The following C9 variants were observed in gnomAD, a reference collection of about 807,000 sequenced individuals.
The protein encoded by C9 is complement C9, also known as complement component C9.
Under a neutral mutation model 65.4 loss-of-function variants are expected in C9, and 63 were observed. That is an observed-to-expected ratio of 0.96 (90% CI 0.79 to 1.19). The LOEUF (loss-of-function observed/expected upper bound fraction) is 1.19, where lower values mean the gene tolerates loss of function less well. Ranked by LOEUF, C9 falls within the 50% of genes most tolerant of loss-of-function variation. The pLI is 0.00. For synonymous variants in C9, 229 were observed against 227.9 expected, an observed-to-expected ratio of 1.00 and a Z score of -0.04; for missense variants, 744 against 670.1, an observed-to-expected ratio of 1.11 and a Z score of -1.22.
chr5:39,347,829 C>T (rs1263992721), intron 1 of C9, among the ~76,000 whole-genome samples: 3 of 152,172 alleles, frequency 2.0e-5, no homozygotes, highest in African/African-American at 4.8e-5. Flanking sequence ...GAGATATAGA[C>T]CAATGGAACA....
intron 4 of C9, among the ~76,000 whole-genome samples, chr5:39,334,036 C>G (rs545969409): frequency 4.6e-5 from 7 of 152,042 alleles, no homozygotes; most frequent in Non-Finnish European, 1.0e-4. Context: ...GCCGCCACCC[C>G]GTCTGGGAAG....
intron 1 of C9, among the ~76,000 whole-genome samples, chr5:39,357,811 C>G (rs756556358): frequency 3.9e-5 from 6 of 152,210 alleles, no homozygotes; most frequent in Non-Finnish European, 8.8e-5. Flanking sequence ...GCCTTTGTGA[C>G]AGCCTTGATG....
chr5:39,343,161 G>C (rs1442946443), intron 1 of C9, among the ~76,000 whole-genome samples: 2 of 152,108 alleles, frequency 1.3e-5, no homozygotes, highest in Non-Finnish European at 2.9e-5. Flanking sequence ...ATCTCACTGG[G>C]GCTCATCAGA....
In C9 at chr5:39,331,826, C is replaced by T; in HGVS notation, c.477-12G>A. ...CTAAAATGTTGATCCTGAGAATGAA[C>T]AGAGTAGTATCAGAAGTGGAAATAC... On this transcript the variant is annotated splice_polypyrimidine_tract_variant and intron_variant, in intron 4 of 10. Transcript: ENST00000263408. 2.5e-6 allele frequency: 4 copies of T among 1,612,444 alleles called. No homozygotes were observed. Among genetic ancestry groups the T allele is most frequent in the Non-Finnish European group, 3.4e-6 (4 of 1,178,550 alleles).
chr5:39,333,646 C>G (rs993099627), intron 4 of C9, among the ~76,000 whole-genome samples: 2 of 150,338 alleles, frequency 1.3e-5, no homozygotes, highest in African/African-American at 4.9e-5. Flanking sequence ...TTTCCACGGT[C>G]TCCCTCTCAT....
chr5:39,341,817 G>T, intron 2 of C9, 117 bp from the exon 3 acceptor site: 2 of 970,172 alleles, frequency 2.1e-6, no homozygotes, highest in East Asian at 5.1e-5. Context: ...AGATAGAAGT[G>T]GTGGAAGAAG....
Position 39,329,117 on chromosome 5 carries a change from A to T in C9, c.615+2559T>A, listed in dbSNP as rs142349606. Among the ~76,000 whole-genome samples, 173 of 152,276 alleles carry T rather than the reference A, an allele frequency of 1.1e-3. 1 individual carries two copies. Among genetic ancestry groups the T allele is most frequent in the African/African-American group, 3.8e-3 (159 of 41,552 alleles). On this transcript the variant is annotated intron_variant, in intron 5 of 10. Transcript: ENST00000263408. ...ATTCAACAACAAAAGTGAAGAAACA[A>T]CCAAAGAAAAGTAAGTAGAAAAGGA...
intron 4 of C9, among the ~76,000 whole-genome samples, chr5:39,338,948 A>T (rs1754017894): frequency 6.6e-6 from 1 of 152,236 alleles, no homozygotes; most frequent in Admixed American, 6.5e-5. Context: ...TTTTCCTATA[A>T]GACAAACTAT....
intron 4 of C9, among the ~76,000 whole-genome samples, chr5:39,340,066 C>T (rs1754046898): frequency 6.6e-6 from 1 of 152,156 alleles, no homozygotes; most frequent in Admixed American, 6.5e-5. Context: ...CTCCTCATCT[C>T]CATACCCGGG....
intron 1 of C9, among the ~76,000 whole-genome samples, chr5:39,343,860 G>A (rs1754137964): frequency 1.3e-5 from 2 of 152,188 alleles, no homozygotes; most frequent in South Asian, 4.1e-4. Flanking sequence ...AACATTTGCT[G>A]TTCAGCAAAA....
At chr5:39,297,597 T>C (rs2111856120) in intron 9 of C9, among the ~76,000 whole-genome samples, 1 of 151,716 alleles carries the variant, frequency 6.6e-6, no homozygotes, top group South Asian at 2.1e-4. Context: ...TATATTACCA[T>C]ACAAAAAATT....
chr5:39,320,473 A>G (rs556624630), intron 5 of C9, among the ~76,000 whole-genome samples: 1 of 152,188 alleles, frequency 6.6e-6, no homozygotes, highest in South Asian at 2.1e-4. Context: ...ATTTGAAATT[A>G]CCAATCAGAA....
chr5:39,308,362 T>C lies in C9; in HGVS notation c.1112-4A>G, dbSNP rs1200043962. The C allele has an allele frequency of 6.3e-7, 1 of 1,575,852 alleles. No individual in the cohort carries two copies. Among genetic ancestry groups the C allele is most frequent in the South Asian group, 1.1e-5 (1 of 90,296 alleles). On this transcript the variant is annotated splice_region_variant and splice_polypyrimidine_tract_variant and intron_variant, in intron 7 of 10. Coordinates refer to ENST00000263408, the MANE Select transcript of C9 (RefSeq NM_001737.5). ...TTTATGTCTTTTAGTTCAACACCTG[T>C]TTAATGAATTTATTTGAAAATTATT...
chr5:39,328,508 A>G (rs1753789621), intron 5 of C9, among the ~76,000 whole-genome samples: 1 of 152,222 alleles, frequency 6.6e-6, no homozygotes, highest in Non-Finnish European at 1.5e-5. Flanking sequence ...GTTTACAAGT[A>G]GGGCAGAAAA....
intron 4 of C9, among the ~76,000 whole-genome samples, chr5:39,335,287 A>AG (rs1753941765): frequency 6.6e-6 from 1 of 152,164 alleles, no homozygotes. Flanking sequence ...TGCAATTAGC[A>AG]GGGGGGAATA....
intron 5 of C9, among the ~76,000 whole-genome samples, chr5:39,317,169 C>T: frequency 6.6e-6 from 1 of 151,954 alleles, no homozygotes; most frequent in East Asian, 1.9e-4. Flanking sequence ...CTGTTCATAT[C>T]CTTTGCCCAC....
chr5:39,292,727 G>A (rs1472731902), intron 9 of C9, among the ~76,000 whole-genome samples: 8 of 151,252 alleles, frequency 5.3e-5, no homozygotes, highest in African/African-American at 1.7e-4. Flanking sequence ...GATACAATAT[G>A]ATAAAAATAG....
rs549707373 is a variant in C9 at position 39,344,679 on chromosome 5, A to G, written c.78-2483T>C. Reference sequence around the variant, plus strand: ...TTCAGGAAATACAGAGAATGCCACAAAGATACTCCTCGAGAAGAGCAACTC... The same window carrying G: ...TTCAGGAAATACAGAGAATGCCACAGAGATACTCCTCGAGAAGAGCAACTC... On this transcript the variant is annotated intron_variant, in intron 1 of 10. Transcript: ENST00000263408. Among the ~76,000 whole-genome samples the G allele has an allele frequency of 4.6e-5, 7 of 152,314 alleles. No homozygotes were observed. In the East Asian group the frequency reaches 1.4e-3, roughly 29 times the overall value.
At chr5:39,350,047 G>T (rs1754293424) in intron 1 of C9, among the ~76,000 whole-genome samples, 1 of 152,124 alleles carries the variant, frequency 6.6e-6, no homozygotes, top group East Asian at 1.9e-4. Context: ...AAGAAAAGAG[G>T]TTGATTGACT....
Sources: allele counts gnomAD v4.1 joint callset (sites outside exome capture counted in the v4.1 genomes callset), GRCh38; gene constraint gnomAD v4.1.1; transcripts MANE v1.5; gene names NCBI Gene and HGNC (gene_info 2026-07-23, HGNC 2026-07-21).